MAGI1: variants seen among roughly 807,000 people sequenced by gnomAD.
MAGI1 encodes the protein membrane-associated guanylate kinase, WW and PDZ domain-containing protein 1.
MAGI1 carries 58 observed loss-of-function variants against 139.9 expected under a neutral mutation model. The observed-to-expected ratio is 0.41, with a 90% CI of 0.34 to 0.52. The LOEUF is 0.52. MAGI1 is among the 20% of genes least tolerant of loss of function. The pLI, the probability that MAGI1 is intolerant of heterozygous loss-of-function variation, is 0.12. For synonymous variants in MAGI1, 812 were observed against 737.9 expected, an observed-to-expected ratio of 1.10 and a Z score of -1.63; for missense variants, 1,874 against 1,901.6, an observed-to-expected ratio of 0.99 and a Z score of 0.27.
intron 2 of MAGI1, among the ~76,000 whole-genome samples, chr3:65,599,036 C>A (rs756833835): frequency 3.4e-4 from 51 of 152,150 alleles, no homozygotes; most frequent in Non-Finnish European, 6.8e-4. Flanking sequence ...TACAGAGTCA[C>A]GTGCAAGCAT....
intron 1 of MAGI1, among the ~76,000 whole-genome samples, chr3:65,653,402 A>G (rs1283662107): frequency 1.3e-5 from 2 of 152,152 alleles, no homozygotes; most frequent in Admixed American, 6.6e-5. Flanking sequence ...TCCAGTTTGC[A>G]TTCTTTCATG....
chr3:65,869,543 G>C (rs1559961415), intron 1 of MAGI1, among the ~76,000 whole-genome samples: 1 of 151,626 alleles, frequency 6.6e-6, no homozygotes, highest in East Asian at 2.0e-4. Context: ...TGGGACTACA[G>C]GCACCCGCCA....
At chr3:65,460,182 G>A (rs1949677309) in intron 5 of MAGI1, among the ~76,000 whole-genome samples, 1 of 152,150 alleles carries the variant, frequency 6.6e-6, no homozygotes, top group Non-Finnish European at 1.5e-5. Context: ...TTAACATGGT[G>A]GGTTACACTG....
At chr3:65,490,255 G>A (rs1284880159) in intron 3 of MAGI1, among the ~76,000 whole-genome samples, 6 of 152,138 alleles carry the variant, frequency 3.9e-5, no homozygotes, top group African/African-American at 1.4e-4. Context: ...TTTACCAATG[G>A]GAAAATGGAG....
intron 1 of MAGI1, among the ~76,000 whole-genome samples, chr3:65,998,674 C>T (rs2066583338): frequency 6.6e-6 from 1 of 152,096 alleles, no homozygotes; most frequent in South Asian, 2.1e-4. Flanking sequence ...ACTCTGAAAC[C>T]ATTTGATGGT....
chr3:65,467,810 G>A (rs1051799602), intron 5 of MAGI1, among the ~76,000 whole-genome samples: 3 of 152,054 alleles, frequency 2.0e-5, no homozygotes, highest in East Asian at 1.9e-4. Context: ...TTTTCTCAGC[G>A]TAATTCTTCT....
intron 3 of MAGI1, among the ~76,000 whole-genome samples, chr3:65,480,548 T>A (rs1193311785): frequency 2.1e-5 from 3 of 144,692 alleles, no homozygotes; most frequent in Admixed American, 1.4e-4. Context: ...AAAAAAAAAA[T>A]TGCTTCTATC....
chr3:65,940,865 C>A (rs1421876896), intron 1 of MAGI1, among the ~76,000 whole-genome samples: 1 of 152,058 alleles, frequency 6.6e-6, no homozygotes, highest in African/African-American at 2.4e-5. Flanking sequence ...CCTCACAAAC[C>A]CCAAACCTTA....
chr3:65,530,658 T>TATATATACATATATATATATAC (rs1559642194), intron 2 of MAGI1, among the ~76,000 whole-genome samples: 1 of 130,616 alleles, frequency 7.7e-6, no homozygotes, highest in Admixed American at 8.0e-5. Flanking sequence ...TGTGTGTGTG[T>TATATATACATATATATATATAC]GTGTATATAT....
chr3:65,847,063 G>A (rs2059030369), intron 1 of MAGI1, among the ~76,000 whole-genome samples: 1 of 146,768 alleles, frequency 6.8e-6, no homozygotes, highest in Non-Finnish European at 1.5e-5. Flanking sequence ...TTACTACCCT[G>A]AAGTTCGGTA....
intron 1 of MAGI1, among the ~76,000 whole-genome samples, chr3:65,929,738 A>T (rs2062704237): frequency 6.6e-6 from 1 of 152,158 alleles, no homozygotes; most frequent in Non-Finnish European, 1.5e-5. Flanking sequence ...AAGCCATAAA[A>T]GTTTAAAACT....
At chr3:65,548,275 A>G (rs1222611127) in intron 2 of MAGI1, among the ~76,000 whole-genome samples, 3 of 152,178 alleles carry the variant, frequency 2.0e-5, no homozygotes, top group Non-Finnish European at 4.4e-5. Context: ...ACCACCTCAG[A>G]GGAGCCTTCC....
At chr3:65,437,282 T>C (rs775593503) in intron 9 of MAGI1, 35 bp from the exon 10 acceptor site, 2 of 1,373,632 alleles carry the variant, frequency 1.5e-6, no homozygotes, top group South Asian at 2.4e-5. Flanking sequence ...CTATTTTTCC[T>C]TCAAATGGCT....
intron 1 of MAGI1, among the ~76,000 whole-genome samples, chr3:66,016,236 C>T (rs992466130): frequency 2.6e-5 from 4 of 152,040 alleles, no homozygotes; most frequent in African/African-American, 4.8e-5. Flanking sequence ...TGTTCCATGC[C>T]GAGAGTTGAC....
intron 1 of MAGI1, among the ~76,000 whole-genome samples, chr3:65,922,639 T>C (rs2062264677): frequency 6.6e-6 from 1 of 152,210 alleles, no homozygotes; most frequent in South Asian, 2.1e-4. Context: ...AATACATTTC[T>C]GATGTTTTAA....
At chr3:65,608,739 A>G (rs1175382916) in intron 2 of MAGI1, among the ~76,000 whole-genome samples, 1 of 152,224 alleles carries the variant, frequency 6.6e-6, no homozygotes, top group African/African-American at 2.4e-5. Flanking sequence ...TATTTATTAC[A>G]GCAGAACATA....
At chr3:65,747,628 G>T (rs565132349) in intron 1 of MAGI1, among the ~76,000 whole-genome samples, 1 of 152,184 alleles carries the variant, frequency 6.6e-6, no homozygotes, top group African/African-American at 2.4e-5. Context: ...AGTCCAGAGG[G>T]GTGAACTGTG....
At chr3:65,912,972 A>G (rs941455774) in intron 1 of MAGI1, among the ~76,000 whole-genome samples, 22 of 152,170 alleles carry the variant, frequency 1.4e-4, no homozygotes, top group Admixed American at 3.9e-4. Flanking sequence ...ATCTCTTTAA[A>G]TACTACCAAG....
chr3:65,679,720 G>A (rs1432199517), intron 1 of MAGI1, among the ~76,000 whole-genome samples: 2 of 152,138 alleles, frequency 1.3e-5, no homozygotes, highest in African/African-American at 2.4e-5. Flanking sequence ...CTTGGTCGGC[G>A]GTTTTCAAAC....
Sources: allele counts gnomAD v4.1 joint callset (sites outside exome capture counted in the v4.1 genomes callset), GRCh38; gene constraint gnomAD v4.1.1; transcripts MANE v1.5; gene names NCBI Gene and HGNC (gene_info 2026-07-23, HGNC 2026-07-21).